USP34: variants seen among roughly 807,000 people sequenced by gnomAD.
The protein encoded by USP34 is ubiquitin specific peptidase 34.
A neutral mutation model predicts 460.3 loss-of-function variants in USP34; 70 were observed. The ratio of observed to expected loss-of-function variants is 0.15; its 90% CI spans 0.13 to 0.19. The LOEUF is 0.19. Among genes scored for constraint, USP34 ranks in the 10% least tolerant of loss-of-function variants. The pLI, the probability that USP34 is intolerant of heterozygous loss-of-function variation, is 1.00. For missense variants in USP34, 3,985 were observed against 4,236.2 expected (o/e 0.94, Z 1.65); for synonymous variants, 1,647 against 1,405.3 (o/e 1.17, Z -3.85).
At chr2:61,444,167 A>G (rs1428248896) in intron 1 of USP34, among the ~76,000 whole-genome samples, 1 of 152,112 alleles carries the variant, frequency 6.6e-6, no homozygotes, top group African/African-American at 2.4e-5. Context: ...AGGTGGGAGG[A>G]TCACTTGGGC....
chr2:61,361,336 C>T (rs898825306), intron 10 of USP34, among the ~76,000 whole-genome samples: 2 of 152,036 alleles, frequency 1.3e-5, no homozygotes, highest in Non-Finnish European at 2.9e-5. Flanking sequence ...GCAGGAAGAT[C>T]ACCTCAGTGC....
chr2:61,418,305 C>G (rs1195863216), intron 2 of USP34, among the ~76,000 whole-genome samples: 1 of 152,060 alleles, frequency 6.6e-6, no homozygotes, highest in Non-Finnish European at 1.5e-5. Flanking sequence ...GTCTCGAACT[C>G]CTGACCTCAG....
intron 42 of USP34, 135 bp downstream of exon 42, chr2:61,265,849 T>G: frequency 2.2e-6 from 2 of 906,406 alleles, no homozygotes; most frequent in East Asian, 3.0e-5. Flanking sequence ...CTTTTTAACT[T>G]TAATAACACC....
chr2:61,456,511 T>C (rs1695445393), intron 1 of USP34, among the ~76,000 whole-genome samples: 1 of 152,090 alleles, frequency 6.6e-6, no homozygotes, highest in Admixed American at 6.5e-5. Context: ...GGTATGAAGA[T>C]GTGGTATAAA....
chr2:61,227,846 G>C (rs72884991), intron 61 of USP34, among the ~76,000 whole-genome samples: 10 of 151,900 alleles, frequency 6.6e-5, no homozygotes, highest in Admixed American at 1.3e-4. Flanking sequence ...GATAAAAATT[G>C]CAAGTATGAT....
In USP34 at chr2:61,350,618, G is replaced by A. The variant is rs1691916644; in HGVS notation, c.1327C>T (p.His443Tyr). ...IKNLDPVPLR[H>Y]LLNLVSALEP... ...AGAGCTGAGACCAGATTAAGTAGATGTCTAAGTGGTACGGGATCCAAATTC... is the reference window on the plus strand; with the variant it reads ...AGAGCTGAGACCAGATTAAGTAGATATCTAAGTGGTACGGGATCCAAATTC... The change falls in exon 11 of 80, where the codon CAT (histidine) becomes TAT (tyrosine). Residue 443 changes from histidine to tyrosine, a missense_variant. His to Tyr is a moderately conservative substitution (Grantham distance 83). This residue lies in a region of USP34 where 716 missense variants were observed against 626.2 expected (regional missense o/e 1.14). Coordinates refer to ENST00000398571, the MANE Select transcript of USP34 (RefSeq NM_014709.4). 15 of 1,613,524 alleles carry A rather than the reference G, an allele frequency of 9.3e-6. No individual in the cohort carries two copies. The highest frequency in any genetic ancestry group is 1.3e-5 in the Non-Finnish European group (15 of 1,179,738).
chr2:61,374,616 CT>C (rs34597935), intron 8 of USP34, among the ~76,000 whole-genome samples: 55 of 148,980 alleles, frequency 3.7e-4, no homozygotes, highest in Admixed American at 3.3e-4. Flanking sequence ...GACTTCAATA[CT>C]TTTTTTTTTT....
chr2:61,272,503 C>A (rs1437504113), intron 41 of USP34, among the ~76,000 whole-genome samples: 1 of 151,974 alleles, frequency 6.6e-6, no homozygotes, highest in Non-Finnish European at 1.5e-5. Context: ...GTGAGCTCTA[C>A]CTTCAATAAA....
rs1402610047 is a variant in USP34 at position 61,296,880 on chromosome 2, T to C, written c.4174A>G (p.Arg1392Gly). The C allele has an allele frequency of 6.2e-7, 1 of 1,613,938 alleles. No individual in the cohort carries two copies. The highest frequency in any genetic ancestry group is 8.5e-7 in the Non-Finnish European group (1 of 1,179,908). ...ELHLHAENLS[R>G]RVWELLMLLP... Reference sequence around the variant, plus strand: ...AGCATCAGTAGCTCCCAGACCCGCCTAGACAGATTTTCTGCATGAAGATGA... The same window carrying C: ...AGCATCAGTAGCTCCCAGACCCGCCCAGACAGATTTTCTGCATGAAGATGA... The change falls in exon 30 of 80, where the codon AGG (arginine) becomes GGG (glycine). Residue 1392 changes from arginine to glycine, a missense_variant. Coordinates refer to ENST00000398571, the MANE Select transcript of USP34 (RefSeq NM_014709.4).
chr2:61,236,876 T>TGA, intron 53 of USP34, among the ~76,000 whole-genome samples: 1 of 152,226 alleles, frequency 6.6e-6, no homozygotes. Flanking sequence ...CTGAATACCT[T>TGA]AAATATGACT....
chr2:61,468,946 C>T (rs1558613750), intron 1 of USP34, among the ~76,000 whole-genome samples: 4 of 152,290 alleles, frequency 2.6e-5, no homozygotes, highest in Admixed American at 6.5e-5. Flanking sequence ...CAGTGGCTCA[C>T]GCCTGTAATC....
At chr2:61,394,535 A>C (rs1405428715) in intron 5 of USP34, among the ~76,000 whole-genome samples, 3 of 34,940 alleles carry the variant, frequency 8.6e-5, no homozygotes, top group Non-Finnish European at 2.0e-4. Context: ...CTCTCTCTCA[A>C]AAAAAAAAAA....
intron 16 of USP34, 118 bp from the exon 17 acceptor site, chr2:61,339,799 T>C: frequency 2.1e-6 from 1 of 486,296 alleles, no homozygotes. Context: ...GATCATAAAA[T>C]AAAAACACAT....
chr2:61,464,057 C>T (rs1205090253), intron 1 of USP34, among the ~76,000 whole-genome samples: 1 of 152,164 alleles, frequency 6.6e-6, no homozygotes, highest in Non-Finnish European at 1.5e-5. Flanking sequence ...AAGTAATCTG[C>T]TTTAAAAATA....
At chr2:61,438,350 C>A (rs776155349) in intron 1 of USP34, among the ~76,000 whole-genome samples, 2 of 152,076 alleles carry the variant, frequency 1.3e-5, no homozygotes, top group Non-Finnish European at 2.9e-5. Flanking sequence ...GGTGGCTCAA[C>A]GCCTGTAATC....
In USP34 at chr2:61,462,718, C is replaced by T. The variant is rs141183079; in HGVS notation, c.43+7932G>A. 1.4e-3 allele frequency among the ~76,000 whole-genome samples: 211 copies of T among 151,360 alleles called. 2 individuals carry two copies. The highest frequency in any genetic ancestry group is 3.8e-3 in the Admixed American group (57 of 15,182). On this transcript the variant is annotated intron_variant, in intron 1 of 79. Transcript: ENST00000398571. ...TCTACTAAATATACAAAAATTAGCC[C>T]GGCATGATGGCACATGCCTATAATC...
intron 57 of USP34, 57 bp downstream of exon 57, chr2:61,235,788 G>A (rs1210042807): frequency 3.2e-6 from 5 of 1,549,792 alleles, no homozygotes; most frequent in Non-Finnish European, 4.4e-6. Context: ...TAGATCAGAG[G>A]GGGGGAAAAA....
intron 44 of USP34, among the ~76,000 whole-genome samples, chr2:61,257,986 A>G (rs1688766151): frequency 6.6e-6 from 1 of 152,244 alleles, no homozygotes; most frequent in African/African-American, 2.4e-5. Context: ...CTTTGTTTTA[A>G]TAGCTTTTAA....
intron 37 of USP34, among the ~76,000 whole-genome samples, chr2:61,281,482 T>TG (rs1362444620): frequency 6.6e-6 from 1 of 152,134 alleles, no homozygotes; most frequent in Non-Finnish European, 1.5e-5. Flanking sequence ...TGTGGTGACT[T>TG]GCGCCTGTAG....
Sources: gnomAD v4.1 joint callset for allele counts (sites outside exome capture counted in the v4.1 genomes callset) on GRCh38, gnomAD v4.1.1 for gene constraint, gnomAD v4.1.1 regional missense constraint, MANE v1.5 for transcripts, NCBI Gene and HGNC (gene_info 2026-07-23, HGNC 2026-07-21) for gene names.